Variants in ARHGAP6 observed in about 807,000 individuals in gnomAD.
ARHGAP6 encodes rho GTPase-activating protein 6.
ARHGAP6 carries 16 observed loss-of-function variants against 55.7 expected under a neutral mutation model. The ratio of observed to expected loss-of-function variants is 0.29; its 90% CI spans 0.19 to 0.44. The LOEUF is 0.44. Among genes scored for constraint, ARHGAP6 ranks in the 20% least tolerant of loss-of-function variants. ARHGAP6 has a pLI of 1.00. For missense variants in ARHGAP6, 698 were observed against 808.9 expected (o/e 0.86, Z 1.66); for synonymous variants, 382 against 360.9 (o/e 1.06, Z -0.66).
intron 1 of ARHGAP6, among the ~76,000 whole-genome samples, chrX:11,582,098 T>C (rs938769253): frequency 4.8e-4 from 54 of 111,802 alleles, no homozygotes; most frequent in African/African-American, 1.7e-3. Context: ...CTTGTAATTC[T>C]CCCCACAGCC....
At chrX:11,556,780 G>C (rs2051323796) in intron 1 of ARHGAP6, among the ~76,000 whole-genome samples, 1 of 111,734 alleles carries the variant, frequency 8.9e-6, no homozygotes, top group Non-Finnish European at 1.9e-5. Context: ...CCTACTTTCA[G>C]AGCCTTTGGT....
chrX:11,591,642 T>G (rs1238295291), intron 1 of ARHGAP6, among the ~76,000 whole-genome samples: 2 of 111,621 alleles, frequency 1.8e-5, no homozygotes, highest in Non-Finnish European at 3.8e-5. Context: ...TTGACCATAA[T>G]GGGCAAATCC....
chrX:11,551,206 T>C (rs2051262869), intron 1 of ARHGAP6, among the ~76,000 whole-genome samples: 1 of 111,462 alleles, frequency 9.0e-6, no homozygotes, highest in South Asian at 3.8e-4. Flanking sequence ...GTAGGCAGGC[T>C]CATGAAATGA....
At chrX:11,166,322 G>A (rs1223733297) in intron 9 of ARHGAP6, among the ~76,000 whole-genome samples, 1 of 111,217 alleles carries the variant, frequency 9.0e-6, no homozygotes, top group Non-Finnish European at 1.9e-5. Flanking sequence ...TGCCTTCCAG[G>A]ACAAGCTCAC....
At chrX:11,202,547 C>A (rs918379885) in intron 2 of ARHGAP6, among the ~76,000 whole-genome samples, 6 of 110,797 alleles carry the variant, frequency 5.4e-5, no homozygotes, top group Admixed American at 1.9e-4. Context: ...GTGGTTCACA[C>A]CTGTAATCCC....
chrX:11,466,688 G>C (rs756192772), intron 1 of ARHGAP6, among the ~76,000 whole-genome samples: 10 of 111,103 alleles, frequency 9.0e-5, no homozygotes, highest in Non-Finnish European at 1.3e-4. Flanking sequence ...GTTTCTTGTA[G>C]AGACGAGGTC....
chrX:11,655,571 A>AT (rs2052628804), intron 1 of ARHGAP6, among the ~76,000 whole-genome samples: 1 of 112,162 alleles, frequency 8.9e-6, no homozygotes, highest in Admixed American at 9.4e-5. Flanking sequence ...TATTATGGCC[A>AT]TCTTAGTGGG....
At chrX:11,642,142 T>C (rs945345756) in intron 1 of ARHGAP6, among the ~76,000 whole-genome samples, 1 of 111,749 alleles carries the variant, frequency 8.9e-6, no homozygotes, top group African/African-American at 3.2e-5. Context: ...AGATTTAATT[T>C]TTAATAGATG....
intron 2 of ARHGAP6, among the ~76,000 whole-genome samples, chrX:11,214,081 T>G (rs2147396715): frequency 1.8e-5 from 2 of 111,065 alleles, no homozygotes; most frequent in East Asian, 5.7e-4. Context: ...CTAACTGAAG[T>G]ACCCAAAGGC....
chrX:11,290,487 C>G (rs747242758), intron 1 of ARHGAP6: 1 of 254,287 alleles, frequency 3.9e-6, no homozygotes, highest in Admixed American at 4.8e-5. Flanking sequence ...AACTCTACCC[C>G]AGCAAAAAAA....
intron 1 of ARHGAP6, among the ~76,000 whole-genome samples, chrX:11,456,299 GATTTTTTACAA>G (rs1321850853): frequency 9.0e-6 from 1 of 111,506 alleles, no homozygotes; most frequent in Non-Finnish European, 1.9e-5. Flanking sequence ...ATTTTTTACA[GATTTTTTACAA>G]TTTCAATCAA....
intron 1 of ARHGAP6, among the ~76,000 whole-genome samples, chrX:11,614,550 A>G (rs762721106): frequency 1.1e-3 from 120 of 111,898 alleles, no homozygotes; most frequent in South Asian, 0.011. Flanking sequence ...TGCCCCCATG[A>G]TCCAATCGCT....
intron 2 of ARHGAP6, among the ~76,000 whole-genome samples, chrX:11,200,629 T>C (rs775032994): frequency 2.7e-5 from 3 of 112,467 alleles, no homozygotes; most frequent in East Asian, 5.6e-4. Context: ...GGCTTCTTTC[T>C]CTAGTTAGAC....
At chrX:11,169,738 G>T in intron 8 of ARHGAP6, 54 bp from the exon 9 acceptor site, 1 of 940,753 alleles carries the variant, frequency 1.1e-6, no homozygotes, top group Non-Finnish European at 1.4e-6. Flanking sequence ...TCAAGATACT[G>T]GGTGATTCAA....
chrX:11,618,269 G>C (rs1237478342), intron 1 of ARHGAP6, among the ~76,000 whole-genome samples: 1 of 111,762 alleles, frequency 8.9e-6, no homozygotes, highest in African/African-American at 3.2e-5. Flanking sequence ...CTGATCTCCA[G>C]AACTGTAAGA....
chrX:11,536,358 G>A (rs1345143368), intron 1 of ARHGAP6, among the ~76,000 whole-genome samples: 7 of 112,202 alleles, frequency 6.2e-5, no homozygotes, highest in Non-Finnish European at 1.1e-4. Flanking sequence ...GTCCTTGTCC[G>A]TTGGGTGGGA....
chrX:11,341,375 C>T (rs1310841978), intron 1 of ARHGAP6, among the ~76,000 whole-genome samples: 5 of 110,630 alleles, frequency 4.5e-5, no homozygotes, highest in African/African-American at 1.6e-4. Context: ...CCCTATTTTT[C>T]ATTTATCAGT....
At chrX:11,578,719 A>T (rs1314692768) in intron 1 of ARHGAP6, among the ~76,000 whole-genome samples, 3 of 111,668 alleles carry the variant, frequency 2.7e-5, no homozygotes, top group Non-Finnish European at 5.6e-5. Context: ...TACTATAAAG[A>T]CATTTGCACA....
intron 1 of ARHGAP6, among the ~76,000 whole-genome samples, chrX:11,358,726 T>C (rs1330072089): frequency 9.0e-6 from 1 of 110,986 alleles, no homozygotes; most frequent in Non-Finnish European, 1.9e-5. Context: ...AGGTGATCCG[T>C]CCACCTTGGC....
Sources: allele counts gnomAD v4.1 joint callset (sites outside exome capture counted in the v4.1 genomes callset), GRCh38; gene constraint gnomAD v4.1.1; transcripts MANE v1.5; gene names NCBI Gene and HGNC (gene_info 2026-07-23, HGNC 2026-07-21).